Variants in SGCD observed in about 807,000 individuals in gnomAD.
SGCD encodes the protein delta-sarcoglycan.
In SGCD, 18 loss-of-function variants were observed where a neutral mutation model predicts 36.6. The observed-to-expected ratio is 0.49, with a 90% CI of 0.34 to 0.73. The LOEUF (loss-of-function observed/expected upper bound fraction) is 0.73, where lower values mean the gene tolerates loss of function less well. Ranked by LOEUF, SGCD falls within the 30% of genes least tolerant of loss-of-function variation. The pLI, the probability that SGCD is intolerant of heterozygous loss-of-function variation, is 0.01. For missense variants in SGCD, 387 were observed against 346.7 expected, an observed-to-expected ratio of 1.12 and a Z score of -0.92; for synonymous variants, 133 against 130.6, an observed-to-expected ratio of 1.02 and a Z score of -0.12.
intron 1 of SGCD, among the ~76,000 whole-genome samples, chr5:156,045,812 C>A (rs1360079863): frequency 2.0e-5 from 3 of 152,120 alleles, no homozygotes; most frequent in Non-Finnish European, 2.9e-5. Flanking sequence ...CTTATGACCT[C>A]ATTTAACTTG....
intron 3 of SGCD, among the ~76,000 whole-genome samples, chr5:156,444,216 ATC>A (rs35914271): frequency 0.031 from 2,778 of 89,956 alleles, 108 homozygotes; most frequent in African/African-American, 0.1. Context: ...CCTTCCTTTT[ATC>A]TCTCTCTCTC....
the SGCD span, among the ~76,000 whole-genome samples, chr5:155,755,643 G>A: frequency 6.6e-6 from 1 of 152,084 alleles, no homozygotes; most frequent in Non-Finnish European, 1.5e-5. Flanking sequence ...TAGTTTCCTG[G>A]GCATGCCCCT....
intron 1 of SGCD, among the ~76,000 whole-genome samples, chr5:156,104,615 T>G (rs1199279939): frequency 6.6e-6 from 1 of 152,216 alleles, no homozygotes; most frequent in African/African-American, 2.4e-5. Context: ...AATGGGGCTG[T>G]GAATAAAATT....
intron 2 of SGCD, among the ~76,000 whole-genome samples, chr5:156,336,556 T>C (rs1191531661): frequency 6.6e-6 from 1 of 152,226 alleles, no homozygotes; most frequent in African/African-American, 2.4e-5. Flanking sequence ...TTTATGTTTT[T>C]ATGGGACTAT....
intron 6 of SGCD, among the ~76,000 whole-genome samples, chr5:156,632,007 A>G (rs1454515338): frequency 6.6e-6 from 1 of 152,192 alleles, no homozygotes; most frequent in Non-Finnish European, 1.5e-5. Context: ...AAATTTATTT[A>G]AAAATGGGAA....
upstream of SGCD, among the ~76,000 whole-genome samples, chr5:156,325,371 A>AC (rs1767780149): frequency 6.6e-6 from 1 of 151,842 alleles, no homozygotes; most frequent in Non-Finnish European, 1.5e-5. Flanking sequence ...CATTAAAAAA[A>AC]AAAGTAAACT....
intron 1 of SGCD, among the ~76,000 whole-genome samples, chr5:155,930,298 CT>C (rs1757075496): frequency 6.6e-6 from 1 of 152,108 alleles, no homozygotes; most frequent in African/African-American, 2.4e-5. Context: ...GTGGGGTGTG[CT>C]TATATGATGT....
chr5:156,567,065 A>G (rs1026108012), intron 4 of SGCD, among the ~76,000 whole-genome samples: 1 of 152,176 alleles, frequency 6.6e-6, no homozygotes, highest in African/African-American at 2.4e-5. Context: ...CCTATACTTC[A>G]GAGCCATTCA....
At chr5:156,105,092 A>C (rs1295163585) in intron 1 of SGCD, among the ~76,000 whole-genome samples, 2 of 152,208 alleles carry the variant, frequency 1.3e-5, no homozygotes, top group African/African-American at 4.8e-5. Flanking sequence ...AAATGTATAC[A>C]TATGTAACAA....
chr5:155,748,433 C>CAGGTCTGGGA, the SGCD span, among the ~76,000 whole-genome samples: 1 of 152,102 alleles, frequency 6.6e-6, no homozygotes, highest in African/African-American at 2.4e-5. Flanking sequence ...CTGACTACTA[C>CAGGTCTGGGA]CACAGACATA....
chr5:156,514,543 G>A (rs921320318), intron 4 of SGCD, among the ~76,000 whole-genome samples: 5 of 152,200 alleles, frequency 3.3e-5, no homozygotes, highest in African/African-American at 7.2e-5. Flanking sequence ...TGCAAATATT[G>A]AGAGTATTTA....
the SGCD span, among the ~76,000 whole-genome samples, chr5:155,744,144 A>T: frequency 6.6e-6 from 1 of 152,286 alleles, no homozygotes; most frequent in Non-Finnish European, 1.5e-5. Context: ...TTATCAGAGA[A>T]TATGAAATTA....
At chr5:155,903,086 A>G (rs1398225677) in intron 1 of SGCD, among the ~76,000 whole-genome samples, 4 of 152,104 alleles carry the variant, frequency 2.6e-5, no homozygotes, top group Non-Finnish European at 5.9e-5. Context: ...TTACAATCTG[A>G]TTTTGTTTAT....
rs375818469 is a variant in SGCD, at chr5:156,487,743, G to A, written c.193-20858G>A. Reference sequence around the variant, plus strand: ...GTGGAAGTTGCAGTGAGCCGAGATTGCACCACTGCACTCCAGCCTGGGCAA... The same window carrying A: ...GTGGAAGTTGCAGTGAGCCGAGATTACACCACTGCACTCCAGCCTGGGCAA... On this transcript the variant is annotated intron_variant, in intron 3 of 8. Coordinates refer to ENST00000337851, the MANE Select transcript of SGCD (RefSeq NM_000337.6). Among the ~76,000 whole-genome samples the A allele has an allele frequency of 3.9e-5, 5 of 127,794 alleles. No individual in the cohort carries two copies. In the East Asian group the frequency reaches 7.6e-4, roughly 20 times the overall value. 83.8% of individuals were successfully genotyped at this position (127,794 alleles called of 152,430 possible). A position where few individuals can be genotyped will look rare whatever the true frequency, so the allele number is the denominator to read the frequency against.
chr5:155,902,411 G>A (rs1019853145), intron 1 of SGCD, among the ~76,000 whole-genome samples: 6 of 152,106 alleles, frequency 3.9e-5, no homozygotes, highest in Non-Finnish European at 5.9e-5. Flanking sequence ...TTAAATAATA[G>A]CATTTTCAAA....
intron 7 of SGCD, among the ~76,000 whole-genome samples, chr5:156,667,627 A>C (rs1279069659): frequency 6.6e-6 from 1 of 152,232 alleles, no homozygotes; most frequent in East Asian, 1.9e-4. Context: ...CATGTTGGTC[A>C]GTAGTCTGTA....
intron 2 of SGCD, among the ~76,000 whole-genome samples, chr5:156,344,191 A>C (rs1460758693): frequency 6.6e-6 from 1 of 152,138 alleles, no homozygotes; most frequent in Non-Finnish European, 1.5e-5. Flanking sequence ...AGATGTTGGA[A>C]TTCTGAGTCA....
At chr5:156,080,297 G>A (rs1760916400) in intron 1 of SGCD, among the ~76,000 whole-genome samples, 1 of 152,164 alleles carries the variant, frequency 6.6e-6, no homozygotes, top group Non-Finnish European at 1.5e-5. Context: ...CTTGTGATTT[G>A]GGCTGTCTGG....
intron 7 of SGCD, among the ~76,000 whole-genome samples, chr5:156,673,963 G>A (rs1753408549): frequency 6.6e-6 from 1 of 152,162 alleles, no homozygotes. Context: ...ATTAGTGTAT[G>A]GTTCTCCCTC....
Sources: allele counts gnomAD v4.1 joint callset (sites outside exome capture counted in the v4.1 genomes callset), GRCh38; gene constraint gnomAD v4.1.1; transcripts MANE v1.5; gene names NCBI Gene and HGNC (gene_info 2026-07-23, HGNC 2026-07-21).